Variants in BRINP2 observed in about 807,000 individuals in gnomAD.
BRINP2 encodes the protein BMP/retinoic acid-inducible neural-specific protein 2.
A neutral mutation model predicts 69.2 loss-of-function variants in BRINP2; 21 were observed. That is an observed-to-expected ratio of 0.30 (90% CI 0.22 to 0.44). The LOEUF is 0.44. Among genes scored for constraint, BRINP2 ranks in the 20% least tolerant of loss-of-function variants. The probability of loss-of-function intolerance (pLI) is 1.00; values close to 1 mark genes in which losing one functional copy is unlikely to be tolerated. For missense variants in BRINP2, 877 were observed against 986.0 expected (o/e 0.89, Z 1.48); for synonymous variants, 380 against 394.1 (o/e 0.96, Z 0.42).
Position 177,228,180 on chromosome 1 carries a change from C to T in BRINP2, c.-76-1621C>T, listed in dbSNP as rs550192902. 6.0e-4 allele frequency among the ~76,000 whole-genome samples: 91 copies of T among 152,332 alleles called. 1 individual carries two copies. Among genetic ancestry groups the T allele is most frequent in the African/African-American group, 2.0e-3 (84 of 41,574 alleles). Reference sequence around the variant, plus strand: ...GGTAACTTCTAAGAGCTGTCCAGCACATGGGAGGTGGTCAATATCCACCAG... The same window carrying T: ...GGTAACTTCTAAGAGCTGTCCAGCATATGGGAGGTGGTCAATATCCACCAG... On this transcript the variant is annotated intron_variant, in intron 1 of 7. Coordinates refer to ENST00000361539, the MANE Select transcript of BRINP2 (RefSeq NM_021165.4).
At chr1:177,275,585 A>G (rs77702814) in intron 5 of BRINP2, among the ~76,000 whole-genome samples, 1 of 152,196 alleles carries the variant, frequency 6.6e-6, no homozygotes, top group South Asian at 2.1e-4. Context: ...TATGAGCACA[A>G]ATGTTATTTG....
chr1:177,238,056 A>G (rs143591408), intron 2 of BRINP2, among the ~76,000 whole-genome samples: 1 of 152,278 alleles, frequency 6.6e-6, no homozygotes, highest in East Asian at 1.9e-4. Flanking sequence ...GTGTTTCTTC[A>G]TTCAGCCCAT....
At chr1:177,176,427 C>T (rs1648087977) in intron 1 of BRINP2, among the ~76,000 whole-genome samples, 1 of 151,770 alleles carries the variant, frequency 6.6e-6, no homozygotes, top group African/African-American at 2.4e-5. Flanking sequence ...TGAGTTAAAT[C>T]AAATATATTA....
chr1:177,256,231 T>C (rs1299489785), intron 3 of BRINP2, 122 bp downstream of exon 3: 1 of 1,423,064 alleles, frequency 7.0e-7, no homozygotes, highest in African/African-American at 1.4e-5. Flanking sequence ...CTGAGAAGTC[T>C]TTCTGGTGCA....
At chr1:177,242,773 C>T (rs1402638) in intron 2 of BRINP2, among the ~76,000 whole-genome samples, 54,023 of 152,074 alleles carry the variant, frequency 0.36, 10,196 homozygotes, top group South Asian at 0.54. Context: ...GTCTGCCACA[C>T]ATAAGGGCAT....
intron 2 of BRINP2, among the ~76,000 whole-genome samples, chr1:177,236,932 A>C (rs1212384927): frequency 2.0e-5 from 3 of 152,146 alleles, no homozygotes; most frequent in Admixed American, 1.3e-4. Context: ...AAAAAAAAAA[A>C]AACTCCCACC....
At chr1:177,243,239 A>C (rs1000374052) in intron 2 of BRINP2, among the ~76,000 whole-genome samples, 2 of 152,238 alleles carry the variant, frequency 1.3e-5, no homozygotes, top group Admixed American at 6.5e-5. Context: ...CGTTTTATGC[A>C]TAGAACGCTG....
intron 4 of BRINP2, among the ~76,000 whole-genome samples, chr1:177,262,076 A>G (rs570691383): frequency 3.3e-4 from 50 of 152,336 alleles, no homozygotes; most frequent in Non-Finnish European, 6.2e-4. Flanking sequence ...CAAAGTGAGG[A>G]ATCAGATATG....
At chr1:177,255,663 G>C (rs1650731983) in intron 2 of BRINP2, among the ~76,000 whole-genome samples, 1 of 152,228 alleles carries the variant, frequency 6.6e-6, no homozygotes, top group Non-Finnish European at 1.5e-5. Flanking sequence ...ATCAACTACT[G>C]TCTGATGAGA....
chr1:177,223,769 T>A (rs942109359), intron 1 of BRINP2, among the ~76,000 whole-genome samples: 17 of 152,164 alleles, frequency 1.1e-4, no homozygotes, highest in Admixed American at 2.0e-4. Context: ...CTCACTGATT[T>A]TAAGTCATTC....
intron 1 of BRINP2, among the ~76,000 whole-genome samples, chr1:177,184,362 C>A (rs971405589): frequency 2.0e-5 from 3 of 152,012 alleles, no homozygotes; most frequent in Non-Finnish European, 2.9e-5. Context: ...GTATGCAGTC[C>A]TCTACTACAT....
chr1:177,212,970 A>G (rs1649272493), intron 1 of BRINP2, among the ~76,000 whole-genome samples: 1 of 152,218 alleles, frequency 6.6e-6, no homozygotes, highest in African/African-American at 2.4e-5. Flanking sequence ...CATAGTTCCC[A>G]AAAGAAAATA....
At chr1:177,182,819 T>C (rs1226347353) in intron 1 of BRINP2, among the ~76,000 whole-genome samples, 1 of 152,160 alleles carries the variant, frequency 6.6e-6, no homozygotes, top group East Asian at 1.9e-4. Flanking sequence ...GTGAAATGGA[T>C]GTGGTACAAC....
intron 2 of BRINP2, among the ~76,000 whole-genome samples, chr1:177,254,814 A>G (rs1650701616): frequency 6.6e-6 from 1 of 152,210 alleles, no homozygotes; most frequent in Non-Finnish European, 1.5e-5. Flanking sequence ...ATTCATCCTC[A>G]TGAACTTGAC....
chr1:177,236,633 T>C (rs1056205081), intron 2 of BRINP2, among the ~76,000 whole-genome samples: 6 of 152,030 alleles, frequency 3.9e-5, no homozygotes, highest in African/African-American at 1.4e-4. Flanking sequence ...CACAGAAAGG[T>C]CAAGGAAAGC....
intron 7 of BRINP2, 149 bp downstream of exon 7, chr1:177,278,934 A>G: frequency 1.4e-6 from 1 of 725,462 alleles, no homozygotes; most frequent in Non-Finnish European, 2.3e-6. Context: ...CATGTGTGTC[A>G]TTCTCAGCTG....
intron 1 of BRINP2, among the ~76,000 whole-genome samples, chr1:177,209,044 T>C (rs114168222): frequency 0.011 from 1,641 of 151,824 alleles, 27 homozygotes; most frequent in African/African-American, 0.036. Flanking sequence ...AACACAGAAG[T>C]GGCAGGGCCC....
chr1:177,281,124 A>T lies in BRINP2; in HGVS notation c.1948A>T (p.Ile650Phe). ...ETVHVYLRSRIKSLDDSSNET... is the reference protein window; with the variant it reads ...ETVHVYLRSRFKSLDDSSNET... Reference sequence around the variant, plus strand: ...AGTTCATGTTTACCTACGGAGCCGAATCAAGTCCCTGGATGACAGCTCCAA... The same window carrying T: ...AGTTCATGTTTACCTACGGAGCCGATTCAAGTCCCTGGATGACAGCTCCAA... Residue 650 changes from isoleucine (I) to phenylalanine (F), a missense_variant, in exon 8 of 8, where the codon ATC becomes TTC. Around this residue, in one of 3 missense-constraint regions of BRINP2, gnomAD observed 225 missense variants for 218.7 expected, o/e 1.03. Transcript: ENST00000361539. The T allele has an allele frequency of 1.2e-6, 2 of 1,614,252 alleles. No individual in the cohort carries two copies. Among genetic ancestry groups the T allele is most frequent in the Non-Finnish European group, 1.7e-6 (2 of 1,180,048 alleles).
chr1:177,231,523 A>C (rs1467837683), intron 2 of BRINP2, among the ~76,000 whole-genome samples: 1 of 152,234 alleles, frequency 6.6e-6, no homozygotes, highest in African/African-American at 2.4e-5. Context: ...CCTGCTTCAA[A>C]ATTCCCACAC....
Sources: allele counts gnomAD v4.1 joint callset (sites outside exome capture counted in the v4.1 genomes callset), GRCh38; gene constraint gnomAD v4.1.1; regional missense constraint gnomAD v4.1.1; transcripts MANE v1.5; gene names NCBI Gene and HGNC (gene_info 2026-07-23, HGNC 2026-07-21).